SLC35F3: variants seen among roughly 807,000 people sequenced by gnomAD.
SLC35F3 encodes the protein putative thiamine transporter SLC35F3.
In SLC35F3, 25 loss-of-function variants were observed where a neutral mutation model predicts 49.9. The ratio of observed to expected loss-of-function variants is 0.50; its 90% confidence interval spans 0.37 to 0.70. SLC35F3 has a LOEUF of 0.70. Ranked by LOEUF, SLC35F3 falls within the 30% of genes least tolerant of loss-of-function variation. The probability of loss-of-function intolerance (pLI) is 0.00; values close to 1 mark genes in which losing one functional copy is unlikely to be tolerated. For missense variants in SLC35F3, 525 were observed against 639.8 expected (o/e 0.82, Z 1.94); for synonymous variants, 275 against 265.4 (o/e 1.04, Z -0.35).
At chr1:234,259,529 A>G (rs1212638017) in intron 3 of SLC35F3, among the ~76,000 whole-genome samples, 1 of 152,082 alleles carries the variant, frequency 6.6e-6, no homozygotes, top group African/African-American at 2.4e-5. Flanking sequence ...CTTATTAGCC[A>G]GGCATGGTGG....
At chr1:234,109,307 AG>A (rs1235042581) in intron 2 of SLC35F3, among the ~76,000 whole-genome samples, 1 of 152,206 alleles carries the variant, frequency 6.6e-6, no homozygotes, top group East Asian at 1.9e-4. Context: ...AGGAACACGG[AG>A]GCCATTTCTA....
chr1:234,069,239 TATATA>T (rs2102866964), intron 2 of SLC35F3, among the ~76,000 whole-genome samples: 1 of 133,864 alleles, frequency 7.5e-6, no homozygotes, highest in Non-Finnish European at 1.5e-5. Context: ...TATATAAAAA[TATATA>T]ATATATATAT....
intron 2 of SLC35F3, among the ~76,000 whole-genome samples, chr1:234,007,699 A>G (rs59545329): frequency 0.079 from 11,994 of 152,266 alleles, 752 homozygotes; most frequent in East Asian, 0.25. Flanking sequence ...CTCAGATGTA[A>G]TGCTGCATGT....
intron 2 of SLC35F3, among the ~76,000 whole-genome samples, chr1:233,998,319 T>C (rs1289945847): frequency 6.6e-6 from 1 of 152,098 alleles, no homozygotes; most frequent in African/African-American, 2.4e-5. Context: ...GTTGCAAATA[T>C]GATAGCATCT....
intron 2 of SLC35F3, among the ~76,000 whole-genome samples, chr1:234,083,307 G>C (rs936365683): frequency 1.3e-5 from 2 of 152,322 alleles, no homozygotes; most frequent in East Asian, 3.9e-4. Flanking sequence ...GAGTATTCTG[G>C]TGTGGCTGTT....
chr1:234,085,863 T>C (rs1005848857), intron 2 of SLC35F3, among the ~76,000 whole-genome samples: 2 of 152,194 alleles, frequency 1.3e-5, no homozygotes, highest in African/African-American at 4.8e-5. Context: ...GCTCTCTAAT[T>C]CTAAGCAGGG....
At chr1:234,107,365 G>T (rs1387851543) in intron 2 of SLC35F3, among the ~76,000 whole-genome samples, 2 of 152,134 alleles carry the variant, frequency 1.3e-5, no homozygotes, top group Non-Finnish European at 2.9e-5. Flanking sequence ...GTGAAGAATT[G>T]GCACCAGTAA....
intron 2 of SLC35F3, among the ~76,000 whole-genome samples, chr1:233,938,460 C>T (rs1009219330): frequency 2.0e-5 from 3 of 152,102 alleles, no homozygotes; most frequent in Non-Finnish European, 2.9e-5. Context: ...TGCCTTCTGA[C>T]GTTGTACACA....
chr1:234,221,608 C>G (rs1021571037), intron 2 of SLC35F3, among the ~76,000 whole-genome samples: 5 of 152,280 alleles, frequency 3.3e-5, no homozygotes, highest in East Asian at 1.9e-4. Flanking sequence ...GGGTTCAGAA[C>G]AGCCCTATTG....
chr1:234,141,363 C>A (rs1356462055), intron 2 of SLC35F3, among the ~76,000 whole-genome samples: 1 of 152,128 alleles, frequency 6.6e-6, no homozygotes, highest in African/African-American at 2.4e-5. Flanking sequence ...GCATGGTGAA[C>A]AACTCCCCTT....
intron 3 of SLC35F3, among the ~76,000 whole-genome samples, chr1:234,270,652 G>A (rs919197301): frequency 2.0e-5 from 3 of 152,192 alleles, no homozygotes; most frequent in South Asian, 2.1e-4. Flanking sequence ...CTGGAGGTCC[G>A]TGCTGGCCCA....
chr1:234,122,395 A>G (rs1558235505), intron 2 of SLC35F3, among the ~76,000 whole-genome samples: 1 of 152,248 alleles, frequency 6.6e-6, no homozygotes. Flanking sequence ...GCAAATAGCT[A>G]TACCAATATT....
intron 2 of SLC35F3, among the ~76,000 whole-genome samples, chr1:234,014,120 A>T (rs78736921): frequency 0.054 from 8,200 of 152,230 alleles, 499 homozygotes; most frequent in African/African-American, 0.15. Flanking sequence ...ATTCAACAGC[A>T]CAGTGAAAGA....
chr1:234,253,800 A>G (rs992898396), intron 3 of SLC35F3, among the ~76,000 whole-genome samples: 18 of 152,236 alleles, frequency 1.2e-4, no homozygotes, highest in East Asian at 1.2e-3. Flanking sequence ...CAGCCTCCAG[A>G]TGAAATAAGC....
intron 3 of SLC35F3, among the ~76,000 whole-genome samples, chr1:234,298,067 T>G (rs1668633047): frequency 6.6e-6 from 1 of 152,176 alleles, no homozygotes; most frequent in African/African-American, 2.4e-5. Flanking sequence ...GTGTACTTAC[T>G]CCAAACTCAT....
intron 2 of SLC35F3, among the ~76,000 whole-genome samples, chr1:233,966,792 T>A (rs1662912822): frequency 6.6e-6 from 1 of 152,086 alleles, no homozygotes; most frequent in Admixed American, 6.6e-5. Flanking sequence ...TTTATGGGGG[T>A]GGTTCTAGGA....
At chr1:233,969,716 T>C (rs1022817427) in intron 2 of SLC35F3, among the ~76,000 whole-genome samples, 2 of 152,194 alleles carry the variant, frequency 1.3e-5, no homozygotes, top group Non-Finnish European at 2.9e-5. Flanking sequence ...ATAGTAATCG[T>C]ATGAAAAGAT....
chr1:234,208,353 C>T (rs888585171), intron 2 of SLC35F3, among the ~76,000 whole-genome samples: 7 of 152,192 alleles, frequency 4.6e-5, no homozygotes, highest in Non-Finnish European at 8.8e-5. Flanking sequence ...ACATGTGAAC[C>T]AGTCCAAGTA....
chr1:233,949,461 G>A (rs1369568703), intron 2 of SLC35F3, among the ~76,000 whole-genome samples: 1 of 152,192 alleles, frequency 6.6e-6, no homozygotes, highest in East Asian at 1.9e-4. Flanking sequence ...TTTGCTCAAG[G>A]AGCCAGGTGG....
Sources: allele counts gnomAD v4.1 joint callset (sites outside exome capture counted in the v4.1 genomes callset), GRCh38; gene constraint gnomAD v4.1.1; transcripts MANE v1.5; gene names NCBI Gene and HGNC (gene_info 2026-07-23, HGNC 2026-07-21).